Variants in DEFB125 observed in about 807,000 individuals in gnomAD.
DEFB125 encodes beta-defensin 125.
Under a neutral mutation model 11.8 loss-of-function variants are expected in DEFB125, and 11 were observed. That is an observed-to-expected ratio of 0.94 (90% CI 0.59 to 1.55). DEFB125 has a LOEUF of 1.55. Among genes scored for constraint, DEFB125 ranks in the 40% most tolerant of loss-of-function variants. DEFB125 has a pLI of 0.00. For synonymous variants in DEFB125, 79 were observed against 66.7 expected (o/e 1.18, Z -0.90); for missense variants, 198 against 191.2 (o/e 1.04, Z -0.21).
Position 96,442 on chromosome 20 carries a change from C to A in DEFB125, c.*25C>A. 6.3e-7 allele frequency: 1 copy of A among 1,585,628 alleles called. No individual in the cohort carries two copies. Among genetic ancestry groups the A allele is most frequent in the Admixed American group, 1.8e-5 (1 of 56,142 alleles). ...ATTAACATTTACTTCTGGTATGGAA[C>A]AACTAGAAATACTGCTGGAAATAAT... On this transcript the variant is annotated 3_prime_UTR_variant, in exon 2 of 2. Transcript: ENST00000382410.
At position 95,994 on chromosome 20, in the gene DEFB125, A is replaced by T. The variant is rs187581419; in HGVS notation, c.59-11A>T. ...GAGTTAAAAATTTGACCTATATTTT[A>T]TTCTCTACAGGTAGCTTTGAACCCC... On this transcript the variant is annotated splice_polypyrimidine_tract_variant and intron_variant, in intron 1 of 1. Transcript: ENST00000382410. 1.6e-4 allele frequency: 251 copies of T among 1,561,604 alleles called. 1 individual carries two copies. In the East Asian group the frequency reaches 4.6e-3, roughly 29 times the overall value.
chr20:87,820 G>C (rs947222376), intron 1 of DEFB125, 53 bp downstream of exon 1: 2 of 1,578,274 alleles, frequency 1.3e-6, no homozygotes, highest in African/African-American at 2.7e-5. Context: ...TGTTGCCCTT[G>C]GGCTCCCCTG....
intron 1 of DEFB125, among the ~76,000 whole-genome samples, chr20:89,550 TTTAAA>T (rs752069405): frequency 2.0e-5 from 3 of 152,078 alleles, no homozygotes; most frequent in African/African-American, 4.8e-5. Context: ...ATGGATACTG[TTTAAA>T]TTACTTAGCC....
At position 96,698 on chromosome 20, in the gene DEFB125, G is replaced by A. The variant is rs986897946; in HGVS notation, c.*281G>A. The A allele has an allele frequency of 3.4e-5, 12 of 357,748 alleles. No individual in the cohort carries two copies. The highest frequency in any genetic ancestry group is 2.5e-4 in the African/African-American group (12 of 48,388). 22.2% of individuals were successfully genotyped at this position (357,748 alleles called of 1,614,324 possible). A position where few individuals can be genotyped will look rare whatever the true frequency, so the allele number is the denominator to read the frequency against. ...TACTCAAATATATGAGCTAATTTTT[G>A]TCTTAAGTGAACATTTGTATATCTA... On this transcript the variant is annotated 3_prime_UTR_variant, in exon 2 of 2. Transcript: ENST00000382410.
Position 96,783 on chromosome 20 carries a change from C to A in DEFB125, c.*366C>A, listed in dbSNP as rs1441294570. The A allele has an allele frequency of 4.9e-6, 1 of 202,660 alleles. No individual in the cohort carries two copies. Among genetic ancestry groups the A allele is most frequent in the Non-Finnish European group, 1.0e-5 (1 of 99,618 alleles). 12.6% of individuals were successfully genotyped at this position (202,660 alleles called of 1,614,324 possible). A position where few individuals can be genotyped will look rare whatever the true frequency, so the allele number is the denominator to read the frequency against. The stretch of plus-strand genomic sequence containing the variant: ...CATTGTTTGGAGCTGCCTCTTATGA[C>A]TAAGACAAGAATTTTTACTTTAACA... On this transcript the variant is annotated 3_prime_UTR_variant, in exon 2 of 2. Transcript: ENST00000382410.
At chr20:93,029 G>A (rs2054502331) in intron 1 of DEFB125, among the ~76,000 whole-genome samples, 2 of 147,996 alleles carry the variant, frequency 1.4e-5, no homozygotes, top group African/African-American at 2.5e-5. Flanking sequence ...GGAATGCAGT[G>A]GCACAATCTT....
rs1368913482 is a variant in DEFB125, at chr20:95,966, C to G, written c.59-39C>G. The G allele has an allele frequency of 2.0e-6, 3 of 1,520,792 alleles. No individual in the cohort carries two copies. In the East Asian group the frequency reaches 6.8e-5, roughly 35 times the overall value. 94.2% of individuals were successfully genotyped at this position (1,520,792 alleles called of 1,614,324 possible). On this transcript the variant is annotated intron_variant, in intron 1 of 1. Coordinates refer to ENST00000382410, the MANE Select transcript of DEFB125 (RefSeq NM_153325.4). ...TGAATGAAAAGTTGTTATGTTGATG[C>G]CAGAGTTAAAAATTTGACCTATATT...
rs138777928 is a variant in DEFB125 at position 87,755 on chromosome 20, C to T, written c.46C>T (p.Arg16Trp). The T allele has an allele frequency of 2.1e-3, 3,391 of 1,613,140 alleles. 4 individuals carry two copies. Among genetic ancestry groups the T allele is most frequent in the Non-Finnish European group, 2.7e-3 (3,170 of 1,179,214 alleles). Reference sequence around the variant, plus strand: ...CTTCATTATCTGTGGGTTGCTAACTCGGGTGACCAAAGGTAATGGAACCCT... The same window carrying T: ...CTTCATTATCTGTGGGTTGCTAACTTGGGTGACCAAAGGTAATGGAACCCT... ...LTFIICGLLT[R>W]VTKGSFEPQK... The change falls in exon 1 of 2, where the codon CGG becomes TGG. Residue 16 changes from arginine to tryptophan, a missense_variant. Transcript: ENST00000382410.
rs1285983181 is a variant in DEFB125, at chr20:87,723, T to G, written c.14T>G (p.Met5Arg). ...CTCCCAGGAGCCATGAATATCCTGA[T>G]GCTGACCTTCATTATCTGTGGGTTG... MNIL[M>R]LTFIICGLLT... Residue 5 changes from methionine (M) to arginine (R), a missense_variant, in exon 1 of 2, where the codon ATG becomes AGG. Coordinates refer to ENST00000382410, the MANE Select transcript of DEFB125 (RefSeq NM_153325.4). 6.2e-7 allele frequency: 1 copy of G among 1,613,232 alleles called. No homozygotes were observed. Among genetic ancestry groups the G allele is most frequent in the Non-Finnish European group, 8.5e-7 (1 of 1,179,260 alleles).
At chr20:91,928 G>A (rs1333509518) in intron 1 of DEFB125, among the ~76,000 whole-genome samples, 2 of 152,122 alleles carry the variant, frequency 1.3e-5, no homozygotes, top group Non-Finnish European at 2.9e-5. Context: ...GTAAAATCGA[G>A]CCAGTAAAAT....
intron 1 of DEFB125, among the ~76,000 whole-genome samples, chr20:89,519 T>A (rs1006993529): frequency 6.6e-6 from 1 of 152,138 alleles, no homozygotes; most frequent in Admixed American, 6.5e-5. Flanking sequence ...GTATTTCCAA[T>A]GACTGTATAA....
In DEFB125 at chr20:91,166, A is replaced by G. The variant is rs536667304; in HGVS notation, c.58+3399A>G. Among the ~76,000 whole-genome samples the G allele has an allele frequency of 2.6e-5, 4 of 152,226 alleles. No individual in the cohort carries two copies. In the East Asian group the frequency reaches 5.8e-4, roughly 22 times the overall value. ...ATCAGATTATTTGTTTTTGTTTGCT[A>G]TGGAGTTTTTTGAGCTCCTTATATT... On this transcript the variant is annotated intron_variant, in intron 1 of 1. Coordinates refer to ENST00000382410, the MANE Select transcript of DEFB125 (RefSeq NM_153325.4).
In DEFB125 at chr20:96,049, T is replaced by C. The variant is rs201575332; in HGVS notation, c.103T>C (p.Cys35Arg). Reference protein sequence around the residue: ...QKCWKNNVGHCRRRCLDTERY... With the variant: ...QKCWKNNVGHRRRRCLDTERY... ...ATGTTGGAAGAATAATGTAGGACAT[T>C]GCAGAAGACGATGTTTAGATACTGA... is the stretch of plus-strand genomic sequence containing the variant. Residue 35 changes from cysteine (C) to arginine (R), a missense_variant, in exon 2 of 2, where the codon TGC (cysteine) becomes CGC (arginine). By Grantham distance (180) the Cys-to-Arg change is radical. Transcript: ENST00000382410. 6.2e-7 allele frequency: 1 copy of C among 1,613,384 alleles called. No homozygotes were observed. The highest frequency in any genetic ancestry group is 8.5e-7 in the Non-Finnish European group (1 of 1,179,444).
At chr20:94,720 T>A (rs1200942532) in intron 1 of DEFB125, among the ~76,000 whole-genome samples, 2 of 152,150 alleles carry the variant, frequency 1.3e-5, no homozygotes, top group Non-Finnish European at 2.9e-5. Context: ...TCCTCCTATC[T>A]AGGTGTAATT....
chr20:88,020 C>G (rs932323887), intron 1 of DEFB125, among the ~76,000 whole-genome samples: 1 of 152,160 alleles, frequency 6.6e-6, no homozygotes, highest in African/African-American at 2.4e-5. Context: ...TCTGAGCCAC[C>G]CTATCTGTCT....
In DEFB125 at chr20:87,689, G is replaced by A; in HGVS notation, c.-21G>A. 1 of 1,612,678 alleles carries A rather than the reference G, an allele frequency of 6.2e-7. No individual in the cohort carries two copies. Among genetic ancestry groups the A allele is most frequent in the Non-Finnish European group, 8.5e-7 (1 of 1,178,842 alleles). Reference sequence around the variant, plus strand: ...TGTTCTGTATTCCTCAGGACACAGAGCTTCCTCTCTCCCAGGAGCCATGAA... The same window carrying A: ...TGTTCTGTATTCCTCAGGACACAGAACTTCCTCTCTCCCAGGAGCCATGAA... On this transcript the variant is annotated 5_prime_UTR_variant, in exon 1 of 2. Coordinates refer to ENST00000382410, the MANE Select transcript of DEFB125 (RefSeq NM_153325.4).
chr20:88,169 G>A lies in DEFB125; in HGVS notation c.58+402G>A, dbSNP rs566290382. On this transcript the variant is annotated intron_variant, in intron 1 of 1. Coordinates refer to ENST00000382410, the MANE Select transcript of DEFB125 (RefSeq NM_153325.4). ...CTTTGCCCGGAGGGTACCTTCAGAG[G>A]GAGGCCCTCACTTTCATGTTCTTAG... Among the ~76,000 whole-genome samples the A allele has an allele frequency of 1.0e-3, 153 of 152,150 alleles. 1 individual carries two copies. Among genetic ancestry groups the A allele is most frequent in the African/African-American group, 3.6e-3 (148 of 41,534 alleles).
At chr20:95,946 G>C in intron 1 of DEFB125, 59 bp from the exon 2 acceptor site, 2 of 1,477,676 alleles carry the variant, frequency 1.4e-6, no homozygotes, top group Non-Finnish European at 1.8e-6. Flanking sequence ...TTGAATGAAT[G>C]AAAAGTTGTT....
chr20:92,922 C>A (rs2054501681), intron 1 of DEFB125, among the ~76,000 whole-genome samples: 1 of 151,684 alleles, frequency 6.6e-6, no homozygotes, highest in African/African-American at 2.4e-5. Context: ...TGACTATGCC[C>A]TTCTGTCATC....
Sources: gnomAD v4.1 joint callset for allele counts (sites outside exome capture counted in the v4.1 genomes callset) on GRCh38, gnomAD v4.1.1 for gene constraint, MANE v1.5 for transcripts, NCBI Gene and HGNC (gene_info 2026-07-23, HGNC 2026-07-21) for gene names.